DNAJC3: variants seen among roughly 807,000 people sequenced by gnomAD.
The protein encoded by DNAJC3 is dnaJ homolog subfamily C member 3.
Under a neutral mutation model 68.6 loss-of-function variants are expected in DNAJC3, and 38 were observed. That is an observed-to-expected ratio of 0.55 (90% CI 0.43 to 0.73). The LOEUF is 0.73. DNAJC3 is among the 30% of genes least tolerant of loss of function. The pLI is 0.00. For synonymous variants in DNAJC3, 203 were observed against 204.0 expected (o/e 1.00, Z 0.04); for missense variants, 526 against 591.9 (o/e 0.89, Z 1.16).
At chr13:95,759,803 A>T (rs559403020) in intron 5 of DNAJC3, among the ~76,000 whole-genome samples, 1 of 152,316 alleles carries the variant, frequency 6.6e-6, no homozygotes, top group Non-Finnish European at 1.5e-5. Context: ...GTTATTATAT[A>T]TATCTCTTCC....
At chr13:95,684,941 G>A (rs1445571631) in intron 1 of DNAJC3, among the ~76,000 whole-genome samples, 1 of 152,262 alleles carries the variant, frequency 6.6e-6, no homozygotes, top group African/African-American at 2.4e-5. Flanking sequence ...GGATGTTCAG[G>A]CAGAAGGTTG....
rs533920397 is a variant in DNAJC3 at position 95,773,938 on chromosome 13, T to C, written c.1075+9985T>C. Reference sequence around the variant, plus strand: ...TTTTAGTAGAGACGGGGTTTCACCATGTTGGCCAGGATGGTCTCGATCTCC... The same window carrying C: ...TTTTAGTAGAGACGGGGTTTCACCACGTTGGCCAGGATGGTCTCGATCTCC... On this transcript the variant is annotated intron_variant, in intron 9 of 11. Transcript: ENST00000602402. Among the ~76,000 whole-genome samples, 3 of 152,050 alleles carry C rather than the reference T, an allele frequency of 2.0e-5. No homozygotes were observed. In the South Asian group the frequency reaches 6.2e-4, roughly 32 times the overall value.
chr13:95,681,244 A>T (rs938942159), intron 1 of DNAJC3, among the ~76,000 whole-genome samples: 2 of 152,216 alleles, frequency 1.3e-5, no homozygotes, highest in African/African-American at 4.8e-5. Context: ...CCAAAACCCA[A>T]CACTGGTTAA....
At chr13:95,728,065 T>G (rs972885511) in intron 4 of DNAJC3, among the ~76,000 whole-genome samples, 2 of 152,242 alleles carry the variant, frequency 1.3e-5, no homozygotes, top group African/African-American at 2.4e-5. Context: ...GAGATTTATC[T>G]AGATTTTTAC....
intron 7 of DNAJC3, 137 bp from the exon 8 acceptor site, chr13:95,763,506 G>C: frequency 1.4e-6 from 1 of 724,476 alleles, no homozygotes; most frequent in Non-Finnish European, 2.2e-6. Context: ...AGATTAATAA[G>C]GGAAAAGCCG....
In DNAJC3 at chr13:95,760,103, C is replaced by T; in HGVS notation, c.610C>T (p.Pro204Ser). The T allele has an allele frequency of 6.2e-7, 1 of 1,611,712 alleles. No individual in the cohort carries two copies. The highest frequency in any genetic ancestry group is 8.5e-7 in the Non-Finnish European group (1 of 1,178,724). ...RAECFIKEGE[P>S]RKAISDLKAA... is the part of the protein sequence containing the mutation. ...TGAATGTTTTATAAAAGAAGGAGAACCTAGGAAAGCTATAAGTGACTTAAA... is the reference window on the plus strand; with the variant it reads ...TGAATGTTTTATAAAAGAAGGAGAATCTAGGAAAGCTATAAGTGACTTAAA... The change falls in exon 6 of 12, where the codon CCT becomes TCT. Residue 204 changes from proline to serine, a missense_variant. Pro to Ser is a moderately conservative substitution (Grantham distance 74). Transcript: ENST00000602402.
chr13:95,747,993 G>C (rs182677090), intron 4 of DNAJC3, among the ~76,000 whole-genome samples: 96 of 152,244 alleles, frequency 6.3e-4, no homozygotes, highest in African/African-American at 2.1e-3. Flanking sequence ...TCACTAACTT[G>C]TTTTATGTAA....
intron 4 of DNAJC3, among the ~76,000 whole-genome samples, chr13:95,743,992 G>C (rs763647792): frequency 6.6e-6 from 1 of 152,140 alleles, no homozygotes; most frequent in Admixed American, 6.5e-5. Flanking sequence ...ACTTGTCTGT[G>C]TTTATAAAAA....
intron 4 of DNAJC3, among the ~76,000 whole-genome samples, chr13:95,743,855 G>A (rs1319204803): frequency 1.3e-5 from 2 of 152,020 alleles, no homozygotes; most frequent in African/African-American, 4.8e-5. Context: ...CACCACGCCC[G>A]GCTGCCTCCT....
chr13:95,760,951 A>G (rs1882803413), intron 7 of DNAJC3, among the ~76,000 whole-genome samples, 153 bp downstream of exon 7: 1 of 152,178 alleles, frequency 6.6e-6, no homozygotes, highest in South Asian at 2.1e-4. Context: ...AGAATTGGAC[A>G]TTTTTGGAAT....
At chr13:95,694,958 G>GAGT (rs1880393854) in intron 1 of DNAJC3, 1 of 152,522 alleles carries the variant, frequency 6.6e-6, no homozygotes, top group Non-Finnish European at 1.5e-5. Flanking sequence ...GCGTTTATAG[G>GAGT]CTACATACTC....
intron 9 of DNAJC3, among the ~76,000 whole-genome samples, chr13:95,774,862 TTATAAG>T (rs961694056): frequency 1.8e-4 from 27 of 152,230 alleles, no homozygotes; most frequent in East Asian, 9.6e-4. Flanking sequence ...CTTTGTGCCT[TTATAAG>T]TATGTCTCTT....
intron 1 of DNAJC3, among the ~76,000 whole-genome samples, chr13:95,696,582 A>C (rs1010074204): frequency 1.3e-5 from 2 of 152,134 alleles, no homozygotes; most frequent in African/African-American, 4.8e-5. Context: ...AAAAAATTTT[A>C]AATTGTTGTT....
chr13:95,739,103 G>T (rs1882035822), intron 4 of DNAJC3, among the ~76,000 whole-genome samples: 1 of 152,100 alleles, frequency 6.6e-6, no homozygotes, highest in Non-Finnish European at 1.5e-5. Context: ...GGCTGGATAT[G>T]CAATTCTGGG....
At chr13:95,705,023 T>A (rs576614999) in intron 1 of DNAJC3, among the ~76,000 whole-genome samples, 33 of 151,958 alleles carry the variant, frequency 2.2e-4, no homozygotes, top group Non-Finnish European at 4.1e-4. Context: ...AGCTAATCTC[T>A]GTATTTTTAG....
At chr13:95,681,422 C>G (rs960502416) in intron 1 of DNAJC3, among the ~76,000 whole-genome samples, 1 of 152,208 alleles carries the variant, frequency 6.6e-6, no homozygotes, top group Non-Finnish European at 1.5e-5. Context: ...ATGATCCTAG[C>G]TCAATGTAGG....
chr13:95,682,230 C>T (rs1054744453), intron 1 of DNAJC3, among the ~76,000 whole-genome samples: 2 of 152,226 alleles, frequency 1.3e-5, no homozygotes, highest in Non-Finnish European at 2.9e-5. Flanking sequence ...CTCTACCCCA[C>T]CTTGCTAGAG....
intron 4 of DNAJC3, 38 bp from the exon 5 acceptor site, chr13:95,757,606 G>C (rs1471092868): frequency 6.6e-7 from 1 of 1,506,374 alleles, no homozygotes; most frequent in Non-Finnish European, 9.0e-7. Context: ...AGATTTAAGA[G>C]ATTAAAAACT....
At chr13:95,759,607 A>G (rs558286342) in intron 5 of DNAJC3, among the ~76,000 whole-genome samples, 2 of 152,350 alleles carry the variant, frequency 1.3e-5, no homozygotes, top group East Asian at 1.9e-4. Context: ...TATTTTGCCA[A>G]TGTAGAACCT....
Sources: allele counts gnomAD v4.1 joint callset (sites outside exome capture counted in the v4.1 genomes callset), GRCh38; gene constraint gnomAD v4.1.1; transcripts MANE v1.5; gene names NCBI Gene and HGNC (gene_info 2026-07-23, HGNC 2026-07-21).